The following SGCD variants were observed in gnomAD, a reference collection of about 807,000 sequenced individuals.
SGCD encodes the protein sarcoglycan delta.
A neutral mutation model predicts 36.6 loss-of-function variants in SGCD; 18 were observed. That is an observed-to-expected ratio of 0.49 (90% CI 0.34 to 0.73). The LOEUF (loss-of-function observed/expected upper bound fraction) is 0.73. Among genes scored for constraint, SGCD ranks in the 30% least tolerant of loss-of-function variants. SGCD has a pLI of 0.01. For missense variants in SGCD, 387 were observed against 346.7 expected (o/e 1.12, Z -0.92); for synonymous variants, 133 against 130.6 (o/e 1.02, Z -0.12).
At chr5:156,199,624 TA>T (rs1253941860) in intron 3 of SGCD, among the ~76,000 whole-genome samples, 1 of 152,264 alleles carries the variant, frequency 6.6e-6, no homozygotes, top group African/African-American at 2.4e-5. Context: ...TTTGGCAAAC[TA>T]CTTCTTCTTG....
intron 1 of SGCD, among the ~76,000 whole-genome samples, chr5:155,998,142 G>A (rs1464608751): frequency 6.6e-6 from 1 of 152,124 alleles, no homozygotes; most frequent in Non-Finnish European, 1.5e-5. Flanking sequence ...TAAATATGAA[G>A]ATCTGTGTTG....
At chr5:156,116,456 T>G (rs1404468999) in intron 1 of SGCD, among the ~76,000 whole-genome samples, 1 of 152,176 alleles carries the variant, frequency 6.6e-6, no homozygotes, top group African/African-American at 2.4e-5. Context: ...TTCTCTTCTA[T>G]CTCCAGAAAA....
chr5:155,810,025 A>C, the SGCD span, among the ~76,000 whole-genome samples: 7 of 152,180 alleles, frequency 4.6e-5, no homozygotes, highest in African/African-American at 1.4e-4. Context: ...CTGTTGGCTT[A>C]AAGATTGGTC....
At chr5:156,393,609 G>A in intron 3 of SGCD, 1 of 410,444 alleles carries the variant, frequency 2.4e-6, no homozygotes, top group Non-Finnish European at 5.0e-6. Flanking sequence ...GTGAAGTCAT[G>A]TTAATAGGTT....
At chr5:155,981,677 T>C (rs1257178208) in intron 1 of SGCD, among the ~76,000 whole-genome samples, 6 of 152,072 alleles carry the variant, frequency 3.9e-5, no homozygotes, top group Admixed American at 3.9e-4. Flanking sequence ...ACAGCATGCA[T>C]TTTCTCCCAG....
At chr5:156,163,362 C>T (rs1460324823) in intron 3 of SGCD, among the ~76,000 whole-genome samples, 1 of 151,542 alleles carries the variant, frequency 6.6e-6, no homozygotes, top group Non-Finnish European at 1.5e-5. Context: ...AGGAGCCCAT[C>T]AGAGCCATGG....
At chr5:155,734,330 G>A in the SGCD span, among the ~76,000 whole-genome samples, 1 of 151,590 alleles carries the variant, frequency 6.6e-6, no homozygotes, top group Non-Finnish European at 1.5e-5. Context: ...GCAGCCTTCC[G>A]AGTATCTGGG....
At chr5:156,069,312 G>A (rs1760454590) in intron 1 of SGCD, among the ~76,000 whole-genome samples, 1 of 152,058 alleles carries the variant, frequency 6.6e-6, no homozygotes, top group South Asian at 2.1e-4. Flanking sequence ...AAGGTGTAGG[G>A]AAGGGATCCA....
intron 3 of SGCD, among the ~76,000 whole-genome samples, chr5:156,133,396 T>A (rs951717131): frequency 2.6e-5 from 4 of 152,206 alleles, no homozygotes; most frequent in Non-Finnish European, 5.9e-5. Context: ...TTTTCACTTA[T>A]ATATTCCAGA....
At chr5:156,630,578 T>C (rs1762596441) in intron 6 of SGCD, among the ~76,000 whole-genome samples, 1 of 152,246 alleles carries the variant, frequency 6.6e-6, no homozygotes, top group Non-Finnish European at 1.5e-5. Context: ...TAATAACTTG[T>C]TGTCCTCAAG....
the SGCD span, among the ~76,000 whole-genome samples, chr5:155,796,132 C>T: frequency 6.6e-6 from 1 of 152,108 alleles, no homozygotes; most frequent in African/African-American, 2.4e-5. Context: ...GCACTGCATA[C>T]AATCATGAGA....
At chr5:156,300,913 A>G (rs1246685858) in intron 3 of SGCD, among the ~76,000 whole-genome samples, 2 of 150,902 alleles carry the variant, frequency 1.3e-5, no homozygotes, top group Non-Finnish European at 3.0e-5. Flanking sequence ...TTTGTTTGAT[A>G]AAAGTATAAG....
At chr5:156,160,066 CGAACT>C (rs1561544496) in intron 3 of SGCD, among the ~76,000 whole-genome samples, 2 of 151,496 alleles carry the variant, frequency 1.3e-5, no homozygotes, top group Non-Finnish European at 2.9e-5. Context: ...GTATAATTCA[CGAACT>C]GAAATCTGTC....
At chr5:156,603,320 T>G (rs567943531) in intron 6 of SGCD, among the ~76,000 whole-genome samples, 4 of 152,168 alleles carry the variant, frequency 2.6e-5, no homozygotes, top group African/African-American at 7.2e-5. Flanking sequence ...ATTTGAGTCT[T>G]CTCTTTTTGT....
chr5:156,496,755 G>A (rs1307319503), intron 3 of SGCD, among the ~76,000 whole-genome samples: 1 of 152,112 alleles, frequency 6.6e-6, no homozygotes, highest in Admixed American at 6.6e-5. Context: ...ATCATATGTA[G>A]GGAAATATAG....
At chr5:155,926,935 G>C (rs1053118421) in intron 1 of SGCD, among the ~76,000 whole-genome samples, 1 of 152,170 alleles carries the variant, frequency 6.6e-6, no homozygotes, top group Non-Finnish European at 1.5e-5. Flanking sequence ...AATGTCCAGA[G>C]ACACTTTTGG....
At chr5:156,500,447 C>G (rs138488694) in intron 3 of SGCD, among the ~76,000 whole-genome samples, 82 of 152,274 alleles carry the variant, frequency 5.4e-4, no homozygotes, top group African/African-American at 1.9e-3. Context: ...ACTGCTCCAG[C>G]AAGAGATTAT....
At chr5:156,201,476 A>T (rs1015587502) in intron 3 of SGCD, among the ~76,000 whole-genome samples, 28 of 152,156 alleles carry the variant, frequency 1.8e-4, no homozygotes, top group African/African-American at 6.8e-4. Context: ...CAATGTCAAG[A>T]TGTCTTACGT....
Position 156,557,902 on chromosome 5 carries a change from G to A in SGCD, c.295-31329G>A, listed in dbSNP as rs184390495. 2.0e-5 allele frequency among the ~76,000 whole-genome samples: 3 copies of A among 151,430 alleles called. No homozygotes were observed. The East Asian group carries it at 5.8e-4, about 29-fold the overall frequency. On this transcript the variant is annotated intron_variant, in intron 4 of 8. Coordinates refer to ENST00000337851, the MANE Select transcript of SGCD (RefSeq NM_000337.6). ...TGTGCCTTTTATTTTCTCTAAACCTGTGAAAATTCTCACGTTATATCCTGA... is the reference window on the plus strand; with the variant it reads ...TGTGCCTTTTATTTTCTCTAAACCTATGAAAATTCTCACGTTATATCCTGA...
Sources: allele counts gnomAD v4.1 joint callset (sites outside exome capture counted in the v4.1 genomes callset), GRCh38; gene constraint gnomAD v4.1.1; transcripts MANE v1.5; gene names NCBI Gene and HGNC (gene_info 2026-07-23, HGNC 2026-07-21).